TENM1: variants seen among roughly 807,000 people sequenced by gnomAD.
The protein encoded by TENM1 is teneurin transmembrane protein 1, also known as teneurin-1.
TENM1 carries 35 observed loss-of-function variants against 174.8 expected under a neutral mutation model. The ratio of observed to expected loss-of-function variants is 0.20; its 90% CI spans 0.15 to 0.27. TENM1 has a LOEUF of 0.27. Among genes scored for constraint, TENM1 ranks in the 10% least tolerant of loss-of-function variants. TENM1 has a pLI of 1.00. For synonymous variants in TENM1, 781 were observed against 798.7 expected (o/e 0.98, Z 0.37); for missense variants, 1,633 against 2,130.1 (o/e 0.77, Z 4.59).
intron 15 of TENM1, among the ~76,000 whole-genome samples, chrX:124,545,453 C>T (rs2048409415): frequency 1.8e-5 from 2 of 112,096 alleles, no homozygotes; most frequent in Admixed American, 1.9e-4. Context: ...ACTTTCTCCC[C>T]TTACTTGAGT....
At chrX:124,933,181 T>A (rs904105976) in intron 1 of TENM1, among the ~76,000 whole-genome samples, 4 of 112,209 alleles carry the variant, frequency 3.6e-5, no homozygotes, top group African/African-American at 1.3e-4. Context: ...ACTTCCAGAT[T>A]TTTATGCTGG....
chrX:124,681,395 C>A (rs1002419230), intron 5 of TENM1, among the ~76,000 whole-genome samples: 1 of 111,747 alleles, frequency 8.9e-6, no homozygotes, highest in Non-Finnish European at 1.9e-5. Flanking sequence ...TGAAGTGACA[C>A]CATGACAGTG....
the TENM1 span, among the ~76,000 whole-genome samples, chrX:125,039,441 A>G: frequency 3.6e-5 from 4 of 110,976 alleles, no homozygotes; most frequent in African/African-American, 1.3e-4. Context: ...CCTAATCTCT[A>G]CAGGTGGCCC....
At chrX:124,376,561 A>T in exon 32 of TENM1, 1 of 112,155 alleles carries the variant, frequency 8.9e-6, no homozygotes, top group Non-Finnish European at 1.9e-5. Context: ...ATCCACAGCA[A>T]GTTTAACTCT....
intron 14 of TENM1, among the ~76,000 whole-genome samples, chrX:124,560,924 T>C (rs1003863559): frequency 8.9e-6 from 1 of 111,834 alleles, no homozygotes; most frequent in Non-Finnish European, 1.9e-5. Flanking sequence ...AGTTTTGATG[T>C]CTGATCATAC....
intron 5 of TENM1, among the ~76,000 whole-genome samples, chrX:124,701,660 T>C (rs2052778222): frequency 1.8e-5 from 2 of 112,466 alleles, no homozygotes; most frequent in Non-Finnish European, 3.8e-5. Flanking sequence ...GTGATGACAA[T>C]AGCCATTCCA....
At chrX:125,087,927 A>G in the TENM1 span, among the ~76,000 whole-genome samples, 2 of 111,404 alleles carry the variant, frequency 1.8e-5, no homozygotes, top group Admixed American at 9.5e-5. Context: ...GCCCTCAAGG[A>G]TGTGGAATAT....
chrX:124,622,618 G>T (rs933482737), intron 11 of TENM1, among the ~76,000 whole-genome samples: 6 of 110,677 alleles, frequency 5.4e-5, no homozygotes, highest in African/African-American at 2.0e-4. Context: ...TTTCAAGAGG[G>T]TTTTTTCTTT....
At chrX:125,005,189 T>TACACACAC in the TENM1 span, among the ~76,000 whole-genome samples, 179 of 88,781 alleles carry the variant, frequency 2.0e-3, 1 homozygote, top group African/African-American at 6.9e-3. Flanking sequence ...GATGTATACA[T>TACACACAC]ACACACACAC....
chrX:124,640,430 A>G (rs2050984666), intron 11 of TENM1, among the ~76,000 whole-genome samples: 1 of 111,804 alleles, frequency 8.9e-6, no homozygotes, highest in Admixed American at 9.5e-5. Flanking sequence ...CAGTGCTTCA[A>G]TCTTTCCTGC....
intron 3 of TENM1, among the ~76,000 whole-genome samples, chrX:124,878,562 T>A (rs1489897669): frequency 1.8e-5 from 2 of 109,866 alleles, no homozygotes. Flanking sequence ...TCTCTTACTC[T>A]CTTCTGGCAT....
At chrX:125,147,334 GAC>G in the TENM1 span, among the ~76,000 whole-genome samples, 4 of 109,899 alleles carry the variant, frequency 3.6e-5, no homozygotes, top group Non-Finnish European at 5.7e-5. Context: ...CACACACACA[GAC>G]ACACAGAGCA....
chrX:124,487,082 C>A, intron 21 of TENM1, 127 bp downstream of exon 24: 6 of 665,027 alleles, frequency 9.0e-6, no homozygotes, highest in Non-Finnish European at 1.4e-5. Context: ...GTTATAACTT[C>A]CAAATTTATG....
Position 124,503,722 on chromosome X carries a change from C to T in TENM1, c.3302-19G>A, listed in dbSNP as rs774710771. The T allele has an allele frequency of 3.4e-6, 4 of 1,170,574 alleles. No homozygotes were observed. The highest frequency in any genetic ancestry group is 2.5e-5 in the Admixed American group (1 of 39,600). ...ACAGATACTGCAAACAAAGAGTTAACAGCACATTAGAAAACTGTAAAATAT... is the reference window on the plus strand; with the variant it reads ...ACAGATACTGCAAACAAAGAGTTAATAGCACATTAGAAAACTGTAAAATAT... On this transcript the variant is annotated intron_variant, in intron 18 of 31. Coordinates refer to ENST00000422452, the Ensembl canonical transcript of TENM1.
At chrX:124,876,029 A>G in intron 3 of TENM1, among the ~76,000 whole-genome samples, 1 of 110,296 alleles carries the variant, frequency 9.1e-6, no homozygotes, top group African/African-American at 3.3e-5. Flanking sequence ...ACAGTATAAT[A>G]TCATGGGTAA....
intron 3 of TENM1, among the ~76,000 whole-genome samples, chrX:124,782,068 G>C (rs910723034): frequency 4.5e-5 from 5 of 110,928 alleles, no homozygotes; most frequent in Non-Finnish European, 9.5e-5. Context: ...CTTTCCTCTA[G>C]CTTGATGTAG....
chrX:124,826,841 G>C (rs2056173994), intron 3 of TENM1, among the ~76,000 whole-genome samples: 1 of 111,570 alleles, frequency 9.0e-6, no homozygotes, highest in Non-Finnish European at 1.9e-5. Flanking sequence ...TAGAATCTGA[G>C]TTTTATTAAC....
At chrX:124,628,508 TGTA>T (rs908861227) in intron 11 of TENM1, among the ~76,000 whole-genome samples, 11 of 111,546 alleles carry the variant, frequency 9.9e-5, no homozygotes, top group African/African-American at 3.6e-4. Context: ...CATTTCATAA[TGTA>T]ATCAATATAA....
At chrX:124,973,907 A>G in the TENM1 span, among the ~76,000 whole-genome samples, 4 of 111,785 alleles carry the variant, frequency 3.6e-5, no homozygotes, top group African/African-American at 1.3e-4. Context: ...GAATTGGACA[A>G]TGAGAACACA....
Sources: gnomAD v4.1 joint callset for allele counts (sites outside exome capture counted in the v4.1 genomes callset) on GRCh38, gnomAD v4.1.1 for gene constraint, MANE v1.5 for transcripts, NCBI Gene and HGNC (gene_info 2026-07-23, HGNC 2026-07-21) for gene names.